Variants in RALGAPA2 observed in about 807,000 individuals in gnomAD.
The protein encoded by RALGAPA2 is Ral GTPase activating protein catalytic subunit alpha 2.
Under a neutral mutation model 230.4 loss-of-function variants are expected in RALGAPA2, and 139 were observed. The ratio of observed to expected loss-of-function variants is 0.60; its 90% CI spans 0.53 to 0.69. The LOEUF (loss-of-function observed/expected upper bound fraction) is 0.69, where lower values mean the gene tolerates loss of function less well. Ranked by LOEUF, RALGAPA2 falls within the 30% of genes least tolerant of loss-of-function variation. The pLI is 0.00. For missense variants in RALGAPA2, 2,163 were observed against 2,276.0 expected (o/e 0.95, Z 1.01); for synonymous variants, 847 against 837.8 (o/e 1.01, Z -0.19).
intron 9 of RALGAPA2, 134 bp downstream of exon 9, chr20:20,635,284 A>C: frequency 1.1e-6 from 1 of 885,194 alleles, no homozygotes; most frequent in Non-Finnish European, 1.8e-6. Flanking sequence ...CAGACAGGGT[A>C]GGCCAATAAA....
At chr20:20,589,948 T>C (rs2065238709) in intron 17 of RALGAPA2, among the ~76,000 whole-genome samples, 1 of 151,602 alleles carries the variant, frequency 6.6e-6, no homozygotes, top group Non-Finnish European at 1.5e-5. Context: ...AAATGGAAAA[T>C]CTAAATAGTC....
At position 20,413,944 on chromosome 20, in the gene RALGAPA2, C is replaced by A. The variant is rs150656374; in HGVS notation, c.5496-1796G>T. Reference sequence around the variant, plus strand: ...CAATTCTAGAGGGACCCACTAATGCCATTCACGTCTCATTATGAACACACT... The same window carrying A: ...CAATTCTAGAGGGACCCACTAATGCAATTCACGTCTCATTATGAACACACT... On this transcript the variant is annotated intron_variant, in intron 37 of 39. Transcript: ENST00000202677. Among the ~76,000 whole-genome samples the A allele has an allele frequency of 2.4e-3, 359 of 152,354 alleles. 1 individual carries two copies. Among genetic ancestry groups the A allele is most frequent in the African/African-American group, 8.3e-3 (346 of 41,580 alleles).
At chr20:20,573,201 T>A in intron 20 of RALGAPA2, 133 bp from the exon 21 acceptor site, 2 of 783,928 alleles carry the variant, frequency 2.6e-6, no homozygotes, top group Non-Finnish European at 3.8e-6. Context: ...GCTGAGAATT[T>A]AAAAGGAGAG....
At chr20:20,454,823 C>T (rs2061072460) in intron 37 of RALGAPA2, among the ~76,000 whole-genome samples, 2 of 152,182 alleles carry the variant, frequency 1.3e-5, no homozygotes, top group Non-Finnish European at 1.5e-5. Flanking sequence ...AGTAAGAATG[C>T]TCTTCAGTTA....
chr20:20,634,355 T>C (rs1473929985), intron 9 of RALGAPA2, among the ~76,000 whole-genome samples: 1 of 152,192 alleles, frequency 6.6e-6, no homozygotes, highest in Admixed American at 6.5e-5. Flanking sequence ...ATCATTATCA[T>C]TTTCATTTTA....
chr20:20,456,980 A>AT (rs2061137448), intron 37 of RALGAPA2, among the ~76,000 whole-genome samples: 1 of 152,188 alleles, frequency 6.6e-6, no homozygotes, highest in Admixed American at 6.5e-5. Flanking sequence ...TCTTGCAAAA[A>AT]TCATGATGCT....
intron 1 of RALGAPA2, among the ~76,000 whole-genome samples, chr20:20,709,759 C>G (rs553475706): frequency 1.3e-5 from 2 of 152,254 alleles, no homozygotes; most frequent in East Asian, 1.9e-4. Flanking sequence ...GGAGTTATTA[C>G]CATGATACTA....
chr20:20,645,474 C>T (rs1439247238), intron 4 of RALGAPA2, among the ~76,000 whole-genome samples: 1 of 152,092 alleles, frequency 6.6e-6, no homozygotes, highest in Non-Finnish European at 1.5e-5. Context: ...CTGTTCTCTA[C>T]ACACAGAGGA....
chr20:20,414,532 A>G, intron 37 of RALGAPA2, among the ~76,000 whole-genome samples: 1 of 152,168 alleles, frequency 6.6e-6, no homozygotes, highest in Middle Eastern at 3.2e-3. Context: ...CCCAGACGGC[A>G]GCCCACCGTC....
rs760193337 is a variant in RALGAPA2, at chr20:20,591,274, GGCT to G, written c.2241_2243del (p.Ala748del). On this transcript the variant is annotated inframe_deletion, in exon 17 of 40. Coordinates refer to ENST00000202677, the MANE Select transcript of RALGAPA2 (RefSeq NM_020343.4). ...GTCCCACTGTGAGATGGCCAGATCCGGCTGCAGGTGCATTTTCTGACTGTTGAC... is the reference window on the plus strand; with the variant it reads ...GTCCCACTGTGAGATGGCCAGATCCGGCAGGTGCATTTTCTGACTGTTGAC... 3.1e-6 allele frequency: 5 copies of G among 1,613,800 alleles called. No individual in the cohort carries two copies. The African/African-American group carries it at 6.7e-5, about 22-fold the overall frequency.
chr20:20,513,309 A>G, intron 31 of RALGAPA2, 25 bp from the exon 32 acceptor site: 5 of 1,419,104 alleles, frequency 3.5e-6, no homozygotes, highest in Non-Finnish European at 4.6e-6. Context: ...AAAGAAACAT[A>G]AAGAGTCAGT....
intron 37 of RALGAPA2, among the ~76,000 whole-genome samples, chr20:20,424,868 T>C (rs2060348534): frequency 6.6e-6 from 1 of 151,344 alleles, no homozygotes; most frequent in South Asian, 2.1e-4. Context: ...TGGCAAAGTA[T>C]AAAAAGAGTA....
intron 38 of RALGAPA2, among the ~76,000 whole-genome samples, chr20:20,399,329 G>C (rs2122648062): frequency 7.7e-6 from 1 of 130,362 alleles, no homozygotes; most frequent in Non-Finnish European, 1.6e-5. Flanking sequence ...GGGCAATAGA[G>C]CGAAACTCCG....
At chr20:20,696,210 C>T (rs2069107850) in intron 1 of RALGAPA2, among the ~76,000 whole-genome samples, 1 of 152,164 alleles carries the variant, frequency 6.6e-6, no homozygotes, top group East Asian at 1.9e-4. Flanking sequence ...CTGCCTGTCC[C>T]CATCTTCCTT....
At chr20:20,556,157 A>C (rs2064076914) in intron 23 of RALGAPA2, among the ~76,000 whole-genome samples, 1 of 152,182 alleles carries the variant, frequency 6.6e-6, no homozygotes, top group African/African-American at 2.4e-5. Flanking sequence ...GTGCTGTGAG[A>C]TCAGGGCCTC....
chr20:20,588,268 T>G (rs758314982), intron 18 of RALGAPA2, among the ~76,000 whole-genome samples: 1 of 152,252 alleles, frequency 6.6e-6, no homozygotes, highest in Non-Finnish European at 1.5e-5. Context: ...GGTCTACTTA[T>G]AGTGGAATAC....
At position 20,640,813 on chromosome 20, in the gene RALGAPA2, T is replaced by C; in HGVS notation, c.438A>G (p.Glu146=). 6.2e-7 allele frequency: 1 copy of C among 1,613,942 alleles called. No individual in the cohort carries two copies. The highest frequency in any genetic ancestry group is 8.5e-7 in the Non-Finnish European group (1 of 1,179,810). ...GGCAAGCAAAAATCAGAACCTGCTC[T>C]TCTGCACAGTTTGTCTGAAGTGCTT... ...WLQALQTNCA[E]EQVLIFACLV... The change falls in exon 6 of 40, where the codon GAA becomes GAG. Residue 146 remains glutamate, a synonymous_variant. Transcript: ENST00000202677.
At chr20:20,586,776 A>T (rs1056452051) in intron 18 of RALGAPA2, among the ~76,000 whole-genome samples, 1 of 152,254 alleles carries the variant, frequency 6.6e-6, no homozygotes, top group African/African-American at 2.4e-5. Flanking sequence ...CAGAGCTGAT[A>T]AAATTATCCA....
chr20:20,705,795 A>G (rs763613158), intron 1 of RALGAPA2, among the ~76,000 whole-genome samples: 2 of 151,994 alleles, frequency 1.3e-5, no homozygotes, highest in African/African-American at 4.8e-5. Context: ...CAGCCTCCCG[A>G]GCAGCTGGGA....
Sources: gnomAD v4.1 joint callset for allele counts (sites outside exome capture counted in the v4.1 genomes callset) on GRCh38, gnomAD v4.1.1 for gene constraint, MANE v1.5 for transcripts, NCBI Gene and HGNC (gene_info 2026-07-23, HGNC 2026-07-21) for gene names.